CALN1: variants seen among roughly 807,000 people sequenced by gnomAD.
The protein encoded by CALN1 is calcium-binding protein 8.
In CALN1, 17 loss-of-function variants were observed where a neutral mutation model predicts 30.6. The ratio of observed to expected loss-of-function variants is 0.56; its 90% CI spans 0.38 to 0.83. The LOEUF (loss-of-function observed/expected upper bound fraction) is 0.83. Ranked by LOEUF, CALN1 falls within the 40% of genes least tolerant of loss-of-function variation. CALN1 has a pLI of 0.00. For missense variants in CALN1, 291 were observed against 354.9 expected (o/e 0.82, Z 1.45); for synonymous variants, 156 against 131.4 (o/e 1.19, Z -1.28).
At position 72,283,799 on chromosome 7, in the gene CALN1, T is replaced by A. The variant is rs138294960; in HGVS notation, c.120-4989A>T. Among the ~76,000 whole-genome samples, 1,099 of 152,202 alleles carry A rather than the reference T, an allele frequency of 7.2e-3. 17 individuals are homozygous for A. Among genetic ancestry groups the A allele is most frequent in the African/African-American group, 0.025 (1,045 of 41,524 alleles). On this transcript the variant is annotated intron_variant, in intron 2 of 6. Transcript: ENST00000395275. ...GTGTGAGCAGCAAAGCACCAGCGGGTTCCAGTGCTGAATGGTGTCAGTATG... is the reference window on the plus strand; with the variant it reads ...GTGTGAGCAGCAAAGCACCAGCGGGATCCAGTGCTGAATGGTGTCAGTATG...
At chr7:72,361,915 GAA>G (rs1562922028) in intron 2 of CALN1, among the ~76,000 whole-genome samples, 2 of 150,282 alleles carry the variant, frequency 1.3e-5, no homozygotes, top group Admixed American at 1.3e-4. Context: ...TCACCAAAGA[GAA>G]AAAAGATTTT....
At chr7:72,162,688 A>T (rs1788198903) in intron 3 of CALN1, among the ~76,000 whole-genome samples, 1 of 152,156 alleles carries the variant, frequency 6.6e-6, no homozygotes, top group Non-Finnish European at 1.5e-5. Context: ...GCAGTGAGCC[A>T]AGATCATGCC....
At chr7:72,170,416 G>A (rs1356092814) in intron 3 of CALN1, among the ~76,000 whole-genome samples, 1 of 152,170 alleles carries the variant, frequency 6.6e-6, no homozygotes, top group Non-Finnish European at 1.5e-5. Flanking sequence ...ATCGTGACAA[G>A]GTCCTATATA....
intron 5 of CALN1, among the ~76,000 whole-genome samples, chr7:71,989,076 T>G (rs1438036360): frequency 6.6e-6 from 1 of 152,096 alleles, no homozygotes; most frequent in Non-Finnish European, 1.5e-5. Flanking sequence ...CAAACCAGAT[T>G]TCCTTGCTAA....
chr7:71,904,473 A>G (rs1378726166), intron 5 of CALN1, among the ~76,000 whole-genome samples: 1 of 152,236 alleles, frequency 6.6e-6, no homozygotes, highest in Non-Finnish European at 1.5e-5. Flanking sequence ...AATCTCACTT[A>G]CATGTGAAAT....
At chr7:72,371,025 G>A (rs1232610740) in intron 2 of CALN1, among the ~76,000 whole-genome samples, 2 of 142,198 alleles carry the variant, frequency 1.4e-5, no homozygotes, top group Non-Finnish European at 3.0e-5. Flanking sequence ...TCCAACTTTG[G>A]TGACAGAGCA....
chr7:71,888,694 AG>A (rs1039413185), intron 5 of CALN1, among the ~76,000 whole-genome samples: 8 of 152,000 alleles, frequency 5.3e-5, no homozygotes, highest in African/African-American at 1.9e-4. Flanking sequence ...TTTCTAGGGT[AG>A]GTCGGTGGTT....
chr7:72,205,551 A>AAATATATACACATATATATATATAT, intron 3 of CALN1, among the ~76,000 whole-genome samples: 1 of 83,052 alleles, frequency 1.2e-5, no homozygotes, highest in African/African-American at 7.5e-5. Flanking sequence ...GCAAAAAAAA[A>AAATATATACACATATATATATATAT]ATATATATAT....
At chr7:72,321,196 C>T (rs1243962366) in intron 2 of CALN1, among the ~76,000 whole-genome samples, 1 of 152,120 alleles carries the variant, frequency 6.6e-6, no homozygotes, top group Non-Finnish European at 1.5e-5. Flanking sequence ...CTATTTGAGT[C>T]CTTGAGTTTC....
upstream of CALN1, among the ~76,000 whole-genome samples, chr7:72,447,498 G>A (rs1808565352): frequency 2.6e-5 from 4 of 152,132 alleles, no homozygotes; most frequent in Admixed American, 2.6e-4. Flanking sequence ...GCGGGGCTCC[G>A]TGGAGGCAGG....
intron 3 of CALN1, among the ~76,000 whole-genome samples, chr7:72,175,597 G>A (rs1286546620): frequency 2.6e-5 from 4 of 152,076 alleles, no homozygotes; most frequent in African/African-American, 9.7e-5. Context: ...TCCTAACCAG[G>A]AAGAATAATC....
chr7:72,237,366 G>A (rs1416192960), intron 3 of CALN1, among the ~76,000 whole-genome samples: 5 of 152,138 alleles, frequency 3.3e-5, no homozygotes, highest in Non-Finnish European at 7.3e-5. Context: ...AACATCTGCT[G>A]CTCTGAATCC....
chr7:72,289,827 A>C (rs1185625252), intron 2 of CALN1, among the ~76,000 whole-genome samples: 1 of 152,034 alleles, frequency 6.6e-6, no homozygotes, highest in East Asian at 1.9e-4. Context: ...GTGGTGGCTC[A>C]CACCTGTAAT....
chr7:72,043,411 T>C (rs1462809713), intron 4 of CALN1, among the ~76,000 whole-genome samples: 1 of 151,858 alleles, frequency 6.6e-6, no homozygotes, highest in African/African-American at 2.4e-5. Context: ...ACAATAAAAA[T>C]AGAAAAAAAT....
At chr7:72,140,748 A>G (rs1047486249) in intron 3 of CALN1, among the ~76,000 whole-genome samples, 4 of 152,216 alleles carry the variant, frequency 2.6e-5, no homozygotes, top group Non-Finnish European at 2.9e-5. Flanking sequence ...CTGGAACCAA[A>G]TGAGTGTTCA....
At chr7:71,929,492 A>G (rs1007349079) in intron 5 of CALN1, among the ~76,000 whole-genome samples, 5 of 152,226 alleles carry the variant, frequency 3.3e-5, no homozygotes, top group Admixed American at 6.5e-5. Context: ...GTTGCATTGT[A>G]TTCCATGGTG....
chr7:71,925,979 G>A (rs947632470), intron 5 of CALN1, among the ~76,000 whole-genome samples: 6 of 152,222 alleles, frequency 3.9e-5, no homozygotes, highest in South Asian at 2.1e-4. Flanking sequence ...TCAGCTTCCC[G>A]AGTAGCTGGG....
chr7:71,788,677 T>C (rs1793130839), intron 6 of CALN1, among the ~76,000 whole-genome samples: 1 of 151,084 alleles, frequency 6.6e-6, no homozygotes, highest in African/African-American at 2.4e-5. Context: ...TTTTTTTTGA[T>C]ACTGGAGTCT....
rs545659420 is a variant in CALN1 at position 72,373,314 on chromosome 7, A to G, written c.119+29937T>C. ...ATTACAGTCCCAAAGGACAGAAAAAACATATGATGCAGAAAAAATATTTTA... is the reference window on the plus strand; with the variant it reads ...ATTACAGTCCCAAAGGACAGAAAAAGCATATGATGCAGAAAAAATATTTTA... On this transcript the variant is annotated intron_variant, in intron 2 of 6. Coordinates refer to ENST00000395275, the MANE Select transcript of CALN1 (RefSeq NM_031468.4). Among the ~76,000 whole-genome samples the G allele has an allele frequency of 2.1e-3, 313 of 152,318 alleles. 1 individual carries two copies. Among genetic ancestry groups the G allele is most frequent in the African/African-American group, 6.7e-3 (279 of 41,572 alleles).
Sources: gnomAD v4.1 joint callset for allele counts (sites outside exome capture counted in the v4.1 genomes callset) on GRCh38, gnomAD v4.1.1 for gene constraint, MANE v1.5 for transcripts, NCBI Gene and HGNC (gene_info 2026-07-23, HGNC 2026-07-21) for gene names.